Variants in GRM8 observed in about 807,000 individuals in gnomAD.
GRM8 encodes the protein metabotropic glutamate receptor 8.
Under a neutral mutation model 87.2 loss-of-function variants are expected in GRM8, and 47 were observed. That is an observed-to-expected ratio of 0.54 (90% CI 0.43 to 0.69). The LOEUF (loss-of-function observed/expected upper bound fraction) is 0.69. GRM8 is among the 30% of genes least tolerant of loss of function. GRM8 has a pLI of 0.00. For missense variants in GRM8, 1,019 were observed against 1,139.2 expected (o/e 0.89, Z 1.52); for synonymous variants, 396 against 404.5 (o/e 0.98, Z 0.25).
At chr7:126,602,555 C>T (rs1388355727) in intron 8 of GRM8, among the ~76,000 whole-genome samples, 1 of 143,002 alleles carries the variant, frequency 7.0e-6, no homozygotes, top group African/African-American at 2.5e-5. Context: ...TTGATTCTTC[C>T]TACCCATGAG....
At chr7:126,892,086 T>C (rs1224080625) in intron 6 of GRM8, among the ~76,000 whole-genome samples, 1 of 150,616 alleles carries the variant, frequency 6.6e-6, no homozygotes, top group African/African-American at 2.4e-5. Context: ...TTAAATTGTA[T>C]AAATAAATAT....
intron 9 of GRM8, among the ~76,000 whole-genome samples, chr7:126,461,906 A>C (rs186740266): frequency 5.5e-4 from 83 of 151,782 alleles, no homozygotes; most frequent in Admixed American, 1.1e-3. Context: ...TTTCCCTTAG[A>C]ATAAATATAA....
At chr7:126,842,192 C>G (rs1401443953) in intron 6 of GRM8, among the ~76,000 whole-genome samples, 5 of 152,062 alleles carry the variant, frequency 3.3e-5, no homozygotes, top group African/African-American at 4.8e-5. Context: ...GAGAAAAATA[C>G]AAAGGCACAG....
intron 7 of GRM8, among the ~76,000 whole-genome samples, chr7:126,710,732 T>C (rs1178938443): frequency 6.6e-6 from 1 of 152,248 alleles, no homozygotes; most frequent in Non-Finnish European, 1.5e-5. Context: ...GCCAAACTTC[T>C]GTTAATGTTT....
intron 9 of GRM8, among the ~76,000 whole-genome samples, chr7:126,492,348 G>T (rs1261545488): frequency 6.6e-6 from 1 of 152,002 alleles, no homozygotes; most frequent in East Asian, 1.9e-4. Flanking sequence ...ACTGCACCTG[G>T]CCTATAAGGA....
intron 8 of GRM8, among the ~76,000 whole-genome samples, chr7:126,566,859 A>G (rs1413580016): frequency 6.6e-6 from 1 of 152,208 alleles, no homozygotes. Flanking sequence ...TTTAAAGAGG[A>G]AATTCCGCAA....
At chr7:127,178,056 A>C (rs1001317120) in intron 2 of GRM8, among the ~76,000 whole-genome samples, 1 of 152,210 alleles carries the variant, frequency 6.6e-6, no homozygotes, top group Non-Finnish European at 1.5e-5. Flanking sequence ...CTAATCAGGG[A>C]AGGACCAGAG....
intron 9 of GRM8, among the ~76,000 whole-genome samples, chr7:126,496,431 GA>G (rs1179866736): frequency 6.6e-6 from 1 of 151,988 alleles, no homozygotes; most frequent in Non-Finnish European, 1.5e-5. Flanking sequence ...TCTATGACAA[GA>G]AGTATTGATG....
intron 6 of GRM8, among the ~76,000 whole-genome samples, chr7:126,847,747 G>C (rs1009095682): frequency 7.9e-5 from 12 of 152,172 alleles, no homozygotes; most frequent in African/African-American, 2.7e-4. Flanking sequence ...AGGCAACTTT[G>C]CATCTGTTTT....
chr7:126,466,881 AT>A (rs1804561134), intron 9 of GRM8, among the ~76,000 whole-genome samples: 2 of 152,138 alleles, frequency 1.3e-5, no homozygotes, highest in South Asian at 4.1e-4. Flanking sequence ...TTCATTGGCT[AT>A]AAGGCATCCC....
chr7:126,488,255 C>T (rs1358046526), intron 9 of GRM8, among the ~76,000 whole-genome samples: 4 of 152,032 alleles, frequency 2.6e-5, no homozygotes, highest in African/African-American at 9.7e-5. Context: ...TGCCAACATT[C>T]ATATTAACAC....
At chr7:126,995,090 G>A (rs1417510879) in intron 3 of GRM8, among the ~76,000 whole-genome samples, 2 of 152,166 alleles carry the variant, frequency 1.3e-5, no homozygotes, top group East Asian at 1.9e-4. Flanking sequence ...AGAAGATAAC[G>A]AGAATTTCTT....
chr7:127,122,048 G>A (rs1206046799), intron 2 of GRM8, among the ~76,000 whole-genome samples: 1 of 152,182 alleles, frequency 6.6e-6, no homozygotes, highest in Admixed American at 6.5e-5. Context: ...GTTTTGAAGA[G>A]CAAATTCATT....
At chr7:126,609,341 T>C (rs373102132) in intron 8 of GRM8, 21 bp downstream of exon 8, 84 of 1,595,910 alleles carry the variant, frequency 5.3e-5, no homozygotes, top group Non-Finnish European at 7.0e-5. Context: ...TACATTAATA[T>C]ATGTTTATGA....
In GRM8 at chr7:126,708,500, G is replaced by A. The variant is rs920997532; in HGVS notation, c.1357+61365C>T. Among the ~76,000 whole-genome samples the A allele has an allele frequency of 2.6e-5, 4 of 151,070 alleles. No individual in the cohort carries two copies. The Admixed American group carries it at 2.7e-4, about 10-fold the overall frequency. On this transcript the variant is annotated intron_variant, in intron 7 of 10. Transcript: ENST00000339582. ...TAAGTGTCTGTCAATGGATGAAATG[G>A]ATGAAGAAAATGTGATATGTATATA...
intron 8 of GRM8, among the ~76,000 whole-genome samples, chr7:126,546,891 CA>C (rs1185278000): frequency 7.9e-5 from 12 of 152,098 alleles, no homozygotes; most frequent in Admixed American, 7.9e-4. Flanking sequence ...CAAAGTAAAT[CA>C]AGGGGTTTTT....
intron 7 of GRM8, among the ~76,000 whole-genome samples, chr7:126,720,555 T>A (rs553759672): frequency 1.1e-4 from 16 of 152,096 alleles, no homozygotes; most frequent in Non-Finnish European, 2.1e-4. Flanking sequence ...TAACCAAAAA[T>A]GTTGCAGTAT....
Position 126,446,321 on chromosome 7 carries a change from C to A in GRM8, c.2482G>T (p.Val828Leu). Residue 828 changes from valine to leucine, a missense_variant, in exon 10 of 11, where the codon GTA (valine) becomes TTA (leucine). Val to Leu is a conservative substitution (Grantham distance 32). Transcript: ENST00000339582. Reference sequence around the variant, plus strand: ...GGCATATAGAGCATGCCCAGAGATACTGAAGCACTTAAACTCATGGAGACA... The same window carrying A: ...GGCATATAGAGCATGCCCAGAGATAATGAAGCACTTAAACTCATGGAGACA... ...LTVSMSLSASVSLGMLYMPKV... is the reference protein window; with the variant it reads ...LTVSMSLSASLSLGMLYMPKV... 6.2e-7 allele frequency: 1 copy of A among 1,610,350 alleles called. No homozygotes were observed. Among genetic ancestry groups the A allele is most frequent in the South Asian group, 1.1e-5 (1 of 91,008 alleles).
chr7:126,771,216 C>T (rs10229808), intron 6 of GRM8, among the ~76,000 whole-genome samples: 1,954 of 152,092 alleles, frequency 0.013, 42 homozygotes, highest in African/African-American at 0.044. Flanking sequence ...GTCGAATTAA[C>T]GTGGTTTATA....
Sources: allele counts gnomAD v4.1 joint callset (sites outside exome capture counted in the v4.1 genomes callset), GRCh38; gene constraint gnomAD v4.1.1; transcripts MANE v1.5; gene names NCBI Gene and HGNC (gene_info 2026-07-23, HGNC 2026-07-21).